The following ADARB2 variants were observed in gnomAD, a reference collection of about 807,000 sequenced individuals.
The protein encoded by ADARB2 is adenosine deaminase RNA specific B2 (inactive), also known as inactive double-stranded RNA-specific editase B2.
Under a neutral mutation model 62.2 loss-of-function variants are expected in ADARB2, and 25 were observed. The ratio of observed to expected loss-of-function variants is 0.40; its 90% CI spans 0.29 to 0.56. The LOEUF (loss-of-function observed/expected upper bound fraction) is 0.56. Among genes scored for constraint, ADARB2 ranks in the 20% least tolerant of loss-of-function variants. The probability of loss-of-function intolerance (pLI) is 0.43; values close to 1 mark genes in which losing one functional copy is unlikely to be tolerated. For synonymous variants in ADARB2, 572 were observed against 500.8 expected, an observed-to-expected ratio of 1.14 and a Z score of -1.90; for missense variants, 1,071 against 1,077.4, an observed-to-expected ratio of 0.99 and a Z score of 0.08.
intron 1 of ADARB2, among the ~76,000 whole-genome samples, chr10:1,547,450 T>C (rs1361912778): frequency 7.9e-5 from 5 of 63,618 alleles, no homozygotes; most frequent in African/African-American, 2.6e-4. Flanking sequence ...TGCAAGTCTA[T>C]GCACTGTGTT....
chr10:1,567,229 A>C (rs1034239163), intron 1 of ADARB2, among the ~76,000 whole-genome samples: 5 of 151,630 alleles, frequency 3.3e-5, no homozygotes, highest in African/African-American at 1.2e-4. Flanking sequence ...TGCATTTGGA[A>C]GATTGGAGTC....
At chr10:1,211,293 C>CT (rs1382442217) in intron 7 of ADARB2, among the ~76,000 whole-genome samples, 1 of 151,064 alleles carries the variant, frequency 6.6e-6, no homozygotes, top group Non-Finnish European at 1.5e-5. Context: ...GATCTATAAT[C>CT]TATGTATCAT....
chr10:1,241,013 G>T (rs1830915242), intron 5 of ADARB2, among the ~76,000 whole-genome samples: 2 of 152,208 alleles, frequency 1.3e-5, no homozygotes, highest in South Asian at 4.1e-4. Context: ...GCTCATGCCT[G>T]TAATCTCAGC....
chr10:1,370,888 G>A (rs747141591), intron 2 of ADARB2, among the ~76,000 whole-genome samples: 14 of 152,120 alleles, frequency 9.2e-5, no homozygotes, highest in Non-Finnish European at 1.8e-4. Flanking sequence ...TAAAGCAGTC[G>A]GCAGATTCAA....
chr10:1,526,945 G>T, intron 1 of ADARB2: 1 of 376,886 alleles, frequency 2.7e-6, no homozygotes, highest in Non-Finnish European at 5.7e-6. Flanking sequence ...ATTTGCATTT[G>T]TTAATAATTA....
Position 1,255,292 on chromosome 10 carries a change from G to A in ADARB2, c.1193-12993C>T, listed in dbSNP as rs183447466. 1.3e-5 allele frequency among the ~76,000 whole-genome samples: 2 copies of A among 152,376 alleles called. No individual in the cohort carries two copies. Among genetic ancestry groups the A allele is most frequent in the Non-Finnish European group, 2.9e-5 (2 of 68,032 alleles). Reference sequence around the variant, plus strand: ...ACAGATTCACATGTTGCTCTGACAGGAAATGAGGCAATCACTGGCCCTGGG... The same window carrying A: ...ACAGATTCACATGTTGCTCTGACAGAAAATGAGGCAATCACTGGCCCTGGG... On this transcript the variant is annotated intron_variant, in intron 4 of 9. Coordinates refer to ENST00000381312, the MANE Select transcript of ADARB2 (RefSeq NM_018702.4). The surrounding 1 kb of genome is among the most constrained non-coding windows in gnomAD (Gnocchi z 4.7).
chr10:1,308,329 TCTTC>T (rs1831650979), intron 3 of ADARB2, among the ~76,000 whole-genome samples: 1 of 152,234 alleles, frequency 6.6e-6, no homozygotes, highest in African/African-American at 2.4e-5. Context: ...TTCCTCCCTG[TCTTC>T]CTTCTTTGTA....
intron 1 of ADARB2, among the ~76,000 whole-genome samples, chr10:1,523,228 T>G (rs1832095761): frequency 6.6e-6 from 1 of 152,214 alleles, no homozygotes; most frequent in Admixed American, 6.5e-5. Flanking sequence ...ACAAATTAAT[T>G]AATAATGATA....
chr10:1,275,515 CTTTTT>C (rs11447456), intron 3 of ADARB2, among the ~76,000 whole-genome samples: 1 of 151,090 alleles, frequency 6.6e-6, no homozygotes, highest in Non-Finnish European at 1.5e-5. Context: ...TCCTTCTTTT[CTTTTT>C]TTTTAATTTA....
At chr10:1,406,923 G>A (rs998397117) in intron 1 of ADARB2, among the ~76,000 whole-genome samples, 12 of 152,094 alleles carry the variant, frequency 7.9e-5, no homozygotes, top group African/African-American at 1.2e-4. Flanking sequence ...TGCCCCCCTC[G>A]CCAGAAGCAG....
intron 1 of ADARB2, among the ~76,000 whole-genome samples, chr10:1,547,052 G>T (rs2387728): frequency 6.6e-6 from 1 of 152,184 alleles, no homozygotes; most frequent in Non-Finnish European, 1.5e-5. Flanking sequence ...AGAGCGGGAC[G>T]CGGGTGGGAG....
At chr10:1,689,173 G>T (rs921228990) in intron 1 of ADARB2, among the ~76,000 whole-genome samples, 1 of 152,210 alleles carries the variant, frequency 6.6e-6, no homozygotes, top group African/African-American at 2.4e-5. Flanking sequence ...TTTATAGGAT[G>T]GTGCTTGTGC....
intron 1 of ADARB2, among the ~76,000 whole-genome samples, chr10:1,478,812 A>T (rs529038954): frequency 2.0e-5 from 3 of 151,778 alleles, no homozygotes; most frequent in African/African-American, 7.3e-5. Flanking sequence ...CAAAATAAGG[A>T]CCTTCGGACG....
At chr10:1,622,740 C>A (rs1833719998) in intron 1 of ADARB2, among the ~76,000 whole-genome samples, 1 of 152,126 alleles carries the variant, frequency 6.6e-6, no homozygotes, top group Non-Finnish European at 1.5e-5. Context: ...ATTTAGAATG[C>A]AACAGCTACT....
chr10:1,402,565 C>G (rs898204182), intron 1 of ADARB2, among the ~76,000 whole-genome samples: 4 of 152,134 alleles, frequency 2.6e-5, no homozygotes, highest in African/African-American at 7.2e-5. Flanking sequence ...TCAAAGACGG[C>G]TGATGGAGGG....
In ADARB2 at chr10:1,398,166, G is replaced by A. The variant is rs867267854; in HGVS notation, c.101-19006C>T. On this transcript the variant is annotated intron_variant, in intron 1 of 9. Coordinates refer to ENST00000381312, the MANE Select transcript of ADARB2 (RefSeq NM_018702.4). The surrounding 1 kb of genome is among the most constrained non-coding windows in gnomAD (Gnocchi z 4.1). ...CCGAGTGCAGGCTTCCTGGGTCACC[G>A]TCCTCCTCTCCCGTCCCGAGTGCAG... Among the ~76,000 whole-genome samples, 28 of 140,434 alleles carry A rather than the reference G, an allele frequency of 2.0e-4. No individual in the cohort carries two copies. Among genetic ancestry groups the A allele is most frequent in the African/African-American group, 3.8e-4 (14 of 36,668 alleles). 92.1% of individuals were successfully genotyped at this position (140,434 alleles called of 152,430 possible). A position where few individuals can be genotyped will look rare whatever the true frequency, so the allele number is the denominator to read the frequency against.
At chr10:1,216,849 C>T (rs1039491717) in intron 7 of ADARB2, 102 bp downstream of exon 7, 2 of 1,449,978 alleles carry the variant, frequency 1.4e-6, no homozygotes, top group Non-Finnish European at 9.3e-7. Flanking sequence ...CGCATGTGCC[C>T]AGCATCACTG....
At chr10:1,343,272 A>T (rs900082750) in intron 3 of ADARB2, among the ~76,000 whole-genome samples, 2 of 152,238 alleles carry the variant, frequency 1.3e-5, no homozygotes, top group Non-Finnish European at 2.9e-5. Flanking sequence ...AAAGCTCAAC[A>T]TCACTGATCA....
intron 1 of ADARB2, among the ~76,000 whole-genome samples, chr10:1,603,451 T>C (rs1014919799): frequency 6.6e-6 from 1 of 152,200 alleles, no homozygotes; most frequent in African/African-American, 2.4e-5. Flanking sequence ...ATCACAGGAC[T>C]GAAGATTTCT....
Sources: gnomAD v4.1 joint callset for allele counts (sites outside exome capture counted in the v4.1 genomes callset) on GRCh38, gnomAD v4.1.1 for gene constraint, Gnocchi (gnomAD v3.1) non-coding constraint, MANE v1.5 for transcripts, NCBI Gene and HGNC (gene_info 2026-07-23, HGNC 2026-07-21) for gene names.